CEMIP: variants seen among roughly 807,000 people sequenced by gnomAD.
CEMIP encodes the protein cell migration-inducing and hyaluronan-binding protein.
Under a neutral mutation model 156.9 loss-of-function variants are expected in CEMIP, and 105 were observed. That is an observed-to-expected ratio of 0.67 (90% CI 0.57 to 0.79). The LOEUF is 0.79. Ranked by LOEUF, CEMIP falls within the 30% of genes least tolerant of loss-of-function variation. The pLI, the probability that CEMIP is intolerant of heterozygous loss-of-function variation, is 0.00. For synonymous variants in CEMIP, 676 were observed against 668.4 expected (o/e 1.01, Z -0.17); for missense variants, 1,457 against 1,769.4 (o/e 0.82, Z 3.17).
At position 80,832,322 on chromosome 15, in the gene CEMIP, C is replaced by CTCTGTGTGTGTGTGTGTG. The variant is rs1555429057; in HGVS notation, c.-175-41215_-175-41214insCTGTGTGTGTGTGTGTGT. 5.1e-3 allele frequency among the ~76,000 whole-genome samples: 647 copies of CTCTGTGTGTGTGTGTGTG among 128,086 alleles called. 4 individuals carry two copies. Among genetic ancestry groups the CTCTGTGTGTGTGTGTGTG allele is most frequent in the Non-Finnish European group, 5.8e-3 (356 of 61,002 alleles). 84.0% of individuals were successfully genotyped at this position (128,086 alleles called of 152,430 possible). On this transcript the variant is annotated intron_variant, in intron 1 of 29. Transcript: ENST00000394685. ...CTGGAGCTTTGGTTTAAAATAAACT[C>CTCTGTGTGTGTGTGTGTG]TGTGTGTGTGTGTGTGTGTGTGTGT... is the stretch of plus-strand genomic sequence containing the variant.
intron 10 of CEMIP, among the ~76,000 whole-genome samples, chr15:80,893,123 A>C (rs1302738382): frequency 6.6e-6 from 1 of 152,214 alleles, no homozygotes. Flanking sequence ...TGGAGGTTGC[A>C]GTGAGCTGAG....
At chr15:80,880,825 C>T in intron 5 of CEMIP, 75 bp from the exon 6 acceptor site, 1 of 1,257,642 alleles carries the variant, frequency 8.0e-7, no homozygotes. Flanking sequence ...AGCTGTGACT[C>T]CTAGGTTCCC....
At chr15:80,930,772 C>A (rs1330450808) in intron 21 of CEMIP, among the ~76,000 whole-genome samples, 1 of 152,210 alleles carries the variant, frequency 6.6e-6, no homozygotes. Context: ...AGATCAGGGA[C>A]AACTGGAGTA....
chr15:80,898,291 T>G (rs1027709833), intron 12 of CEMIP, among the ~76,000 whole-genome samples: 23 of 152,216 alleles, frequency 1.5e-4, no homozygotes, highest in African/African-American at 5.3e-4. Context: ...AGCTTCCTCA[T>G]CTGTAAATGG....
intron 17 of CEMIP, among the ~76,000 whole-genome samples, chr15:80,923,674 G>A (rs759241887): frequency 5.9e-5 from 9 of 152,164 alleles, no homozygotes; most frequent in Non-Finnish European, 1.0e-4. Flanking sequence ...CCAAGGAGGA[G>A]GTCTCGTCCT....
chr15:80,807,944 G>A (rs546901234), intron 1 of CEMIP, among the ~76,000 whole-genome samples: 13 of 152,278 alleles, frequency 8.5e-5, no homozygotes, highest in Middle Eastern at 3.4e-3. Flanking sequence ...GCACTTGTCC[G>A]CAGGCTCCTG....
chr15:80,946,931 C>A, intron 28 of CEMIP, 34 bp from the exon 29 acceptor site: 1 of 1,468,706 alleles, frequency 6.8e-7, no homozygotes, highest in Non-Finnish European at 9.5e-7. Flanking sequence ...AGTTTGCTCT[C>A]TCCCTCTGGT....
At chr15:80,833,711 C>T (rs1031935122) in intron 1 of CEMIP, among the ~76,000 whole-genome samples, 1 of 150,222 alleles carries the variant, frequency 6.7e-6, no homozygotes, top group Non-Finnish European at 1.5e-5. Context: ...CTCTGTCACC[C>T]AGGCTGGAGT....
intron 12 of CEMIP, among the ~76,000 whole-genome samples, chr15:80,896,885 G>A (rs1421434296): frequency 6.6e-6 from 1 of 152,184 alleles, no homozygotes; most frequent in Non-Finnish European, 1.5e-5. Flanking sequence ...TCTGGGATCT[G>A]GGTAGCAGGA....
At chr15:80,872,198 G>A (rs75185953) in intron 1 of CEMIP, among the ~76,000 whole-genome samples, 2,317 of 152,322 alleles carry the variant, frequency 0.015, 62 homozygotes, top group African/African-American at 0.053. Flanking sequence ...CCTGGGCCGG[G>A]TGAGATAGAT....
intron 12 of CEMIP, among the ~76,000 whole-genome samples, chr15:80,902,611 G>A (rs1899614618): frequency 1.3e-5 from 2 of 152,172 alleles, no homozygotes; most frequent in Admixed American, 6.5e-5. Flanking sequence ...CCGGGAAGAC[G>A]GCTGTGGGAC....
In CEMIP at chr15:80,788,365, G is replaced by C. The variant is rs181772268; in HGVS notation, c.-176+8751G>C. 2.6e-3 allele frequency among the ~76,000 whole-genome samples: 397 copies of C among 151,572 alleles called. 4 individuals carry two copies. Among genetic ancestry groups the C allele is most frequent in the African/African-American group, 9.1e-3 (375 of 41,300 alleles). On this transcript the variant is annotated intron_variant, in intron 1 of 29. Transcript: ENST00000394685. ...ACATGCCTGTAATCCCAGCTACTCC[G>C]GAGGCTGAGGAAGGAGAATTGCTTG... is the stretch of plus-strand genomic sequence containing the variant.
chr15:80,782,765 G>A (rs1281052296), intron 1 of CEMIP, among the ~76,000 whole-genome samples: 1 of 152,198 alleles, frequency 6.6e-6, no homozygotes, highest in Admixed American at 6.5e-5. Flanking sequence ...AAGAATACAT[G>A]CTACAGATGC....
chr15:80,853,885 G>C (rs1348537755), intron 1 of CEMIP, among the ~76,000 whole-genome samples: 1 of 152,260 alleles, frequency 6.6e-6, no homozygotes. Flanking sequence ...GTTGAATTGA[G>C]ACCTTGCTTT....
chr15:80,813,433 C>T (rs1896716803), intron 1 of CEMIP, among the ~76,000 whole-genome samples: 1 of 150,516 alleles, frequency 6.6e-6, no homozygotes, highest in Admixed American at 6.6e-5. Context: ...CACTGCAACC[C>T]CTGTCTCCTG....
chr15:80,803,226 G>A (rs531349015), intron 1 of CEMIP, among the ~76,000 whole-genome samples: 1 of 152,256 alleles, frequency 6.6e-6, no homozygotes, highest in South Asian at 2.1e-4. Flanking sequence ...CTCCCTTGGG[G>A]CCACAGGATG....
At chr15:80,865,650 C>CTTT (rs60777440) in intron 1 of CEMIP, among the ~76,000 whole-genome samples, 11 of 134,542 alleles carry the variant, frequency 8.2e-5, no homozygotes, top group African/African-American at 2.2e-4. Context: ...ATGCACAGCC[C>CTTT]TTTTTTTTTT....
At chr15:80,848,236 C>T (rs1897611319) in intron 1 of CEMIP, among the ~76,000 whole-genome samples, 1 of 152,186 alleles carries the variant, frequency 6.6e-6, no homozygotes, top group African/African-American at 2.4e-5. Flanking sequence ...CGCATGGACT[C>T]CTCCTATCTG....
At chr15:80,799,292 G>A (rs899399010) in intron 1 of CEMIP, among the ~76,000 whole-genome samples, 15 of 152,226 alleles carry the variant, frequency 9.9e-5, no homozygotes, top group African/African-American at 3.6e-4. Context: ...TTGTGAGCAC[G>A]AGATCTAGGC....
Sources: gnomAD v4.1 joint callset for allele counts (sites outside exome capture counted in the v4.1 genomes callset) on GRCh38, gnomAD v4.1.1 for gene constraint, MANE v1.5 for transcripts, NCBI Gene and HGNC (gene_info 2026-07-23, HGNC 2026-07-21) for gene names.